The following MARCHF7 variants were observed in gnomAD, a reference collection of about 807,000 sequenced individuals.
The protein encoded by MARCHF7 is E3 ubiquitin-protein ligase MARCHF7.
Under a neutral mutation model 76.5 loss-of-function variants are expected in MARCHF7, and 20 were observed. The observed-to-expected ratio is 0.26, with a 90% CI of 0.18 to 0.38. MARCHF7 has a LOEUF of 0.38. MARCHF7 is among the 10% of genes least tolerant of loss of function. The pLI, the probability that MARCHF7 is intolerant of heterozygous loss-of-function variation, is 1.00. For synonymous variants in MARCHF7, 295 were observed against 293.0 expected (o/e 1.01, Z -0.07); for missense variants, 797 against 812.9 (o/e 0.98, Z 0.24).
intron 3 of MARCHF7, among the ~76,000 whole-genome samples, chr2:159,727,628 A>T (rs1702326559): frequency 6.6e-6 from 1 of 152,216 alleles, no homozygotes; most frequent in South Asian, 2.1e-4. Flanking sequence ...TAACGTGCTT[A>T]TAGTAGCACT....
At chr2:159,759,500 A>C (rs1281235912) in intron 9 of MARCHF7, 165 bp downstream of exon 9, 16 of 358,270 alleles carry the variant, frequency 4.5e-5, no homozygotes, top group Non-Finnish European at 4.4e-5. Context: ...TTAGAATTTC[A>C]TAATTTTTTT....
chr2:159,715,892 G>A (rs1700980491), intron 3 of MARCHF7, 126 bp downstream of exon 3: 1 of 152,176 alleles, frequency 6.6e-6, no homozygotes. Context: ...TTGTTCATTA[G>A]TGTGATGTTT....
chr2:159,713,976 T>A (rs1359445443), intron 1 of MARCHF7, among the ~76,000 whole-genome samples: 1 of 152,166 alleles, frequency 6.6e-6, no homozygotes, highest in Non-Finnish European at 1.5e-5. Context: ...TCCTACTTAT[T>A]CAAGTACAAA....
At chr2:159,764,816 A>T in intron 11 of MARCHF7, 142 bp downstream of exon 11, 1 of 470,136 alleles carries the variant, frequency 2.1e-6, no homozygotes, top group Non-Finnish European at 3.7e-6. Flanking sequence ...GATTTGGGAA[A>T]TATGGGTTGG....
intron 3 of MARCHF7, among the ~76,000 whole-genome samples, chr2:159,726,967 TTATAC>T (rs752678477): frequency 3.3e-5 from 5 of 152,198 alleles, no homozygotes; most frequent in African/African-American, 4.8e-5. Context: ...AAACAATAGG[TTATAC>T]TATATAATCC....
chr2:159,750,033 T>G (rs1705432986), intron 7 of MARCHF7, among the ~76,000 whole-genome samples: 1 of 152,208 alleles, frequency 6.6e-6, no homozygotes, highest in Non-Finnish European at 1.5e-5. Flanking sequence ...ACAAAATAAT[T>G]TTTGTGTTTG....
At chr2:159,757,913 A>T (rs1317292543) in intron 8 of MARCHF7, among the ~76,000 whole-genome samples, 1 of 152,234 alleles carries the variant, frequency 6.6e-6, no homozygotes, top group Non-Finnish European at 1.5e-5. Flanking sequence ...TCTTCAGATT[A>T]GCACTCACTT....
At chr2:159,729,220 T>A in intron 4 of MARCHF7, 45 bp downstream of exon 4, 1 of 1,416,928 alleles carries the variant, frequency 7.1e-7, no homozygotes, top group African/African-American at 1.5e-5. Context: ...TTTTTCAAAA[T>A]CCCTAGGGCC....
chr2:159,729,213 T>C, intron 4 of MARCHF7, 38 bp downstream of exon 4: 1 of 1,476,680 alleles, frequency 6.8e-7, no homozygotes, highest in Non-Finnish European at 9.1e-7. Flanking sequence ...TACAGCCTTT[T>C]TCAAAATCCC....
At chr2:159,747,768 T>A (rs1423115023) in intron 6 of MARCHF7, 37 bp from the exon 7 acceptor site, 37 of 1,521,718 alleles carry the variant, frequency 2.4e-5, no homozygotes, top group Non-Finnish European at 3.1e-5. Context: ...ATGCTCAAAT[T>A]ATTTCATGTA....
intron 5 of MARCHF7, among the ~76,000 whole-genome samples, chr2:159,745,389 C>G (rs180856744): frequency 6.6e-6 from 1 of 152,246 alleles, no homozygotes; most frequent in East Asian, 1.9e-4. Flanking sequence ...GGTGCGGTGG[C>G]TCGTGCTGTG....
chr2:159,752,719 AT>A (rs1411892034), intron 8 of MARCHF7, 148 bp downstream of exon 8: 13 of 697,646 alleles, frequency 1.9e-5, no homozygotes, highest in Non-Finnish European at 2.6e-5. Context: ...ATTAAAGAGC[AT>A]TAGTGTTTCT....
chr2:159,733,340 C>G (rs1012969196), intron 4 of MARCHF7: 3 of 471,796 alleles, frequency 6.4e-6, no homozygotes, highest in African/African-American at 6.3e-5. Context: ...TGGGCTCAAG[C>G]AGTCCTCCCA....
chr2:159,733,279 C>T lies in MARCHF7; in HGVS notation c.153+4104C>T, dbSNP rs72996620. The T allele has an allele frequency of 9.4e-4, 720 of 768,162 alleles. 4 individuals carry two copies. In the African/African-American group the frequency reaches 0.013, roughly 14 times the overall value. 47.6% of individuals were successfully genotyped at this position (768,162 alleles called of 1,614,324 possible). A position where few individuals can be genotyped will look rare whatever the true frequency, so the allele number is the denominator to read the frequency against. ...TTTTGAGACGGGTTCTCACACTCACCCAGGTTGGAGTATAGTAGCACAATC... is the reference window on the plus strand; with the variant it reads ...TTTTGAGACGGGTTCTCACACTCACTCAGGTTGGAGTATAGTAGCACAATC... On this transcript the variant is annotated intron_variant, in intron 4 of 11. Transcript: ENST00000409175.
At position 159,713,462 on chromosome 2, in the gene MARCHF7, G is replaced by A. The variant is rs371481736; in HGVS notation, c.-143+856G>A. Among the ~76,000 whole-genome samples the A allele has an allele frequency of 6.5e-3, 992 of 152,306 alleles. 16 individuals carry two copies. Among genetic ancestry groups the A allele is most frequent in the South Asian group, 0.045 (218 of 4,832 alleles). ...GTTTGTTACTATTAGTTAAATGTGT[G>A]AAAACTGAAATTTGGCGAGGTTTTC... On this transcript the variant is annotated intron_variant, in intron 1 of 11. Coordinates refer to ENST00000409175, the MANE Select transcript of MARCHF7 (RefSeq NM_001282805.2).
At chr2:159,740,060 T>A (rs922054920) in intron 4 of MARCHF7, among the ~76,000 whole-genome samples, 1 of 152,246 alleles carries the variant, frequency 6.6e-6, no homozygotes, top group African/African-American at 2.4e-5. Context: ...CTTTTTTCTC[T>A]ATTTCTCACA....
At chr2:159,725,485 T>G (rs1702063143) in intron 3 of MARCHF7, among the ~76,000 whole-genome samples, 1 of 152,226 alleles carries the variant, frequency 6.6e-6, no homozygotes, top group African/African-American at 2.4e-5. Flanking sequence ...TGTCTTCTTT[T>G]GAGAAGTGTC....
chr2:159,752,390 CT>C lies in MARCHF7; in HGVS notation c.1614-10del. 1 of 1,561,874 alleles carries C rather than the reference CT, an allele frequency of 6.4e-7. No homozygotes were observed. The highest frequency in any genetic ancestry group is 8.7e-7 in the Non-Finnish European group (1 of 1,155,524). On this transcript the variant is annotated splice_polypyrimidine_tract_variant and intron_variant, in intron 7 of 11. Coordinates refer to ENST00000409175, the MANE Select transcript of MARCHF7 (RefSeq NM_001282805.2). The stretch of plus-strand genomic sequence containing the variant: ...GTTATGATAGCTTTGGGAAATGTGC[CT>C]TCTTTTCCAGCCTCCTTTTAGAGGA...
At chr2:159,735,334 G>C (rs1287909487) in intron 4 of MARCHF7, among the ~76,000 whole-genome samples, 8 of 152,156 alleles carry the variant, frequency 5.3e-5, no homozygotes, top group Non-Finnish European at 1.2e-4. Flanking sequence ...ATGTAAATTT[G>C]CAAGTATCTT....
Sources: gnomAD v4.1 joint callset for allele counts (sites outside exome capture counted in the v4.1 genomes callset) on GRCh38, gnomAD v4.1.1 for gene constraint, MANE v1.5 for transcripts, NCBI Gene and HGNC (gene_info 2026-07-23, HGNC 2026-07-21) for gene names.